Variants in CHCHD3 observed in about 807,000 individuals in gnomAD.
CHCHD3 encodes the protein coiled-coil-helix-coiled-coil-helix domain containing 3, also known as MICOS complex subunit MIC19.
CHCHD3 carries 20 observed loss-of-function variants against 38.2 expected under a neutral mutation model. The ratio of observed to expected loss-of-function variants is 0.52; its 90% CI spans 0.37 to 0.76. CHCHD3 has a LOEUF of 0.76. Among genes scored for constraint, CHCHD3 ranks in the 30% least tolerant of loss-of-function variants. The probability of loss-of-function intolerance (pLI) is 0.00; values close to 1 mark genes in which losing one functional copy is unlikely to be tolerated. For synonymous variants in CHCHD3, 82 were observed against 100.0 expected (o/e 0.82, Z 1.07); for missense variants, 245 against 279.2 (o/e 0.88, Z 0.87).
intron 2 of CHCHD3, among the ~76,000 whole-genome samples, chr7:133,040,013 T>G (rs999044017): frequency 2.0e-5 from 3 of 152,202 alleles, no homozygotes; most frequent in African/African-American, 7.2e-5. Context: ...TTTAACTTTT[T>G]GAGCCATGTA....
At chr7:132,867,292 C>A (rs767512974) in intron 5 of CHCHD3, among the ~76,000 whole-genome samples, 5 of 152,090 alleles carry the variant, frequency 3.3e-5, no homozygotes, top group Non-Finnish European at 5.9e-5. Context: ...TGGCAAAAGT[C>A]TTAAACTGTT....
intron 4 of CHCHD3, among the ~76,000 whole-genome samples, chr7:132,899,112 G>C (rs538215903): frequency 6.6e-6 from 1 of 152,372 alleles, no homozygotes; most frequent in East Asian, 1.9e-4. Flanking sequence ...AGCCCAGGCA[G>C]AGGAGGCGCC....
intron 4 of CHCHD3, among the ~76,000 whole-genome samples, chr7:132,893,844 T>C (rs1360937218): frequency 6.6e-6 from 1 of 152,214 alleles, no homozygotes; most frequent in Non-Finnish European, 1.5e-5. Flanking sequence ...GCTATGATTG[T>C]AAGGTTCCTG....
At chr7:132,854,851 AG>A (rs1278749333) in intron 5 of CHCHD3, among the ~76,000 whole-genome samples, 2 of 152,138 alleles carry the variant, frequency 1.3e-5, no homozygotes, top group African/African-American at 4.8e-5. Context: ...GAAAGAAGGG[AG>A]GCTCTGGAGA....
At chr7:132,864,913 A>G (rs1808581159) in intron 5 of CHCHD3, among the ~76,000 whole-genome samples, 1 of 152,196 alleles carries the variant, frequency 6.6e-6, no homozygotes, top group Admixed American at 6.5e-5. Context: ...CAGAATAAAC[A>G]CTATTTTCAA....
At chr7:133,059,695 G>C (rs1562951154) in intron 2 of CHCHD3, among the ~76,000 whole-genome samples, 1 of 152,166 alleles carries the variant, frequency 6.6e-6, no homozygotes, top group South Asian at 2.1e-4. Flanking sequence ...TGCTACGATT[G>C]AGACCTGAAA....
At chr7:133,078,781 G>A (rs1815078900) in intron 1 of CHCHD3, among the ~76,000 whole-genome samples, 1 of 152,170 alleles carries the variant, frequency 6.6e-6, no homozygotes, top group African/African-American at 2.4e-5. Context: ...TGCCTCTGTT[G>A]AATTAGTAAG....
intron 2 of CHCHD3, among the ~76,000 whole-genome samples, chr7:133,060,342 G>A (rs1184847597): frequency 2.6e-5 from 4 of 152,178 alleles, no homozygotes; most frequent in African/African-American, 9.7e-5. Flanking sequence ...TAGAAGCTAT[G>A]GGATCTGGAG....
At chr7:132,962,130 T>G (rs1811334859) in intron 4 of CHCHD3, among the ~76,000 whole-genome samples, 1 of 152,190 alleles carries the variant, frequency 6.6e-6, no homozygotes, top group Non-Finnish European at 1.5e-5. Context: ...CCACTTTTAC[T>G]AATCAGAATA....
chr7:132,940,653 AT>A (rs1395571270), intron 4 of CHCHD3, among the ~76,000 whole-genome samples: 1 of 152,068 alleles, frequency 6.6e-6, no homozygotes, highest in Non-Finnish European at 1.5e-5. Context: ...TTCAGCAGTC[AT>A]TTTTTCCACT....
At chr7:132,803,709 A>C (rs941887843) in intron 6 of CHCHD3, among the ~76,000 whole-genome samples, 12 of 151,784 alleles carry the variant, frequency 7.9e-5, no homozygotes, top group Admixed American at 2.0e-4. Flanking sequence ...TAAGTTGAGG[A>C]AAGCAGAAAG....
chr7:133,027,315 C>G (rs1813368512), intron 2 of CHCHD3, among the ~76,000 whole-genome samples: 1 of 150,188 alleles, frequency 6.7e-6, no homozygotes. Context: ...ACTGCACACT[C>G]TGAATGGATG....
At chr7:132,971,927 G>T (rs945666035) in intron 4 of CHCHD3, among the ~76,000 whole-genome samples, 2 of 148,194 alleles carry the variant, frequency 1.3e-5, no homozygotes, top group African/African-American at 5.3e-5. Flanking sequence ...ATCAATTATG[G>T]GTTCTGAAGA....
At chr7:132,926,263 T>C (rs1400727730) in intron 4 of CHCHD3, among the ~76,000 whole-genome samples, 1 of 152,080 alleles carries the variant, frequency 6.6e-6, no homozygotes, top group African/African-American at 2.4e-5. Flanking sequence ...TCAGTAGAGT[T>C]TGGAAAGGGG....
At chr7:133,031,964 TAATC>T (rs1010586753) in intron 2 of CHCHD3, among the ~76,000 whole-genome samples, 2 of 152,148 alleles carry the variant, frequency 1.3e-5, no homozygotes, top group South Asian at 2.1e-4. Flanking sequence ...AAGAAAATAA[TAATC>T]AAAGCATCCA....
At chr7:132,904,674 G>A (rs1055076028) in intron 4 of CHCHD3, among the ~76,000 whole-genome samples, 2 of 152,178 alleles carry the variant, frequency 1.3e-5, no homozygotes, top group East Asian at 1.9e-4. Flanking sequence ...ACTGTGGAAG[G>A]CAGTGTGGCG....
intron 4 of CHCHD3, among the ~76,000 whole-genome samples, chr7:132,916,920 T>C (rs1426240406): frequency 6.6e-6 from 1 of 152,182 alleles, no homozygotes; most frequent in African/African-American, 2.4e-5. Flanking sequence ...TCACAGTATG[T>C]ATGTATGGAG....
chr7:133,053,278 G>A (rs547794672), intron 2 of CHCHD3, among the ~76,000 whole-genome samples: 83 of 152,314 alleles, frequency 5.4e-4, no homozygotes, highest in African/African-American at 1.9e-3. Context: ...TAACCACAGT[G>A]CTGGCTGGCC....
At chr7:132,991,065 A>AT (rs1236983295) in intron 3 of CHCHD3, among the ~76,000 whole-genome samples, 1 of 152,012 alleles carries the variant, frequency 6.6e-6, no homozygotes. Context: ...CAGAGTAAAC[A>AT]TTTTTAAGGA....
Sources: gnomAD v4.1 joint callset for allele counts (sites outside exome capture counted in the v4.1 genomes callset) on GRCh38, gnomAD v4.1.1 for gene constraint, MANE v1.5 for transcripts, NCBI Gene and HGNC (gene_info 2026-07-23, HGNC 2026-07-21) for gene names.